Variants in PCDH7 observed in about 807,000 individuals in gnomAD.
PCDH7 encodes protocadherin 7, also known as protocadherin-7.
A neutral mutation model predicts 58.9 loss-of-function variants in PCDH7; 17 were observed. That is an observed-to-expected ratio of 0.29 (90% confidence interval 0.20 to 0.43). The LOEUF is 0.43. Among genes scored for constraint, PCDH7 ranks in the 20% least tolerant of loss-of-function variants. The pLI is 1.00. For synonymous variants in PCDH7, 664 were observed against 616.4 expected (o/e 1.08, Z -1.14); for missense variants, 1,274 against 1,441.0 (o/e 0.88, Z 1.88).
At chr4:30,779,395 A>G (rs972502692) in intron 1 of PCDH7, among the ~76,000 whole-genome samples, 4 of 152,206 alleles carry the variant, frequency 2.6e-5, no homozygotes, top group East Asian at 3.9e-4. Context: ...ACCAAAATCA[A>G]TATTTAAATA....
At chr4:30,791,882 A>G (rs1006768952) in intron 1 of PCDH7, among the ~76,000 whole-genome samples, 4 of 152,192 alleles carry the variant, frequency 2.6e-5, no homozygotes, top group African/African-American at 7.2e-5. Flanking sequence ...TCCGACTACT[A>G]GTAGCATAAG....
At chr4:30,727,929 T>A (rs1203850884) in intron 1 of PCDH7, among the ~76,000 whole-genome samples, 2 of 151,912 alleles carry the variant, frequency 1.3e-5, no homozygotes, top group African/African-American at 4.8e-5. Context: ...ATAATGCACT[T>A]ACAAGTAAAA....
intron 1 of PCDH7, among the ~76,000 whole-genome samples, chr4:30,895,091 T>A (rs1375074499): frequency 1.3e-5 from 2 of 151,792 alleles, no homozygotes; most frequent in African/African-American, 4.8e-5. Flanking sequence ...CTTTTTTTAT[T>A]TATTTAAACA....
intron 1 of PCDH7, chr4:30,730,746 CT>C: frequency 6.3e-7 from 1 of 1,585,388 alleles, no homozygotes; most frequent in East Asian, 2.2e-5. Flanking sequence ...TATTTTCCTT[CT>C]TTCAGATGCG....
chr4:30,838,935 ACCTT>A (rs1730869556), intron 1 of PCDH7, among the ~76,000 whole-genome samples: 1 of 151,966 alleles, frequency 6.6e-6, no homozygotes, highest in African/African-American at 2.4e-5. Context: ...CTTTCTTCCT[ACCTT>A]CCTTCCTTCC....
chr4:30,928,895 C>CT (rs1235620884), intron 2 of PCDH7, among the ~76,000 whole-genome samples: 3 of 151,928 alleles, frequency 2.0e-5, no homozygotes, highest in Non-Finnish European at 2.9e-5. Context: ...TTTATGTCTT[C>CT]TTTTTTCCTT....
chr4:31,046,791 A>G (rs968114591), intron 3 of PCDH7, among the ~76,000 whole-genome samples: 1 of 152,090 alleles, frequency 6.6e-6, no homozygotes, highest in Non-Finnish European at 1.5e-5. Context: ...ACTTACATCC[A>G]TCATATTAAA....
chr4:30,867,123 G>T (rs1339980654), intron 1 of PCDH7, among the ~76,000 whole-genome samples: 1 of 152,022 alleles, frequency 6.6e-6, no homozygotes, highest in Non-Finnish European at 1.5e-5. Context: ...GTCACCTCAG[G>T]CTGTCTGTAC....
chr4:30,772,732 C>G (rs1432679383), intron 1 of PCDH7, among the ~76,000 whole-genome samples: 1 of 152,172 alleles, frequency 6.6e-6, no homozygotes, highest in African/African-American at 2.4e-5. Context: ...TAAATAAACA[C>G]TTACTGTGTG....
At chr4:30,770,953 A>C (rs975059751) in intron 1 of PCDH7, among the ~76,000 whole-genome samples, 2 of 152,212 alleles carry the variant, frequency 1.3e-5, no homozygotes, top group Admixed American at 6.5e-5. Context: ...ACAGAACACC[A>C]CGAGTAAGCA....
chr4:30,721,621 A>G lies in PCDH7; in HGVS notation c.199A>G (p.Ser67Gly). ...GACCGGATCGGGTGAGGTGACTTTC[A>G]GCCTGGAGTCCGGTTCCGAGTACCT... The change falls in exon 1 of 2, where the codon AGC becomes GGC. Residue 67 changes from serine to glycine, a missense_variant. By Grantham distance (56) the Ser-to-Gly change is moderately conservative. This residue lies in a region of PCDH7 where 212 missense variants were observed against 255.8 expected (regional missense o/e 0.83). Coordinates refer to ENST00000361762, the Ensembl canonical transcript of PCDH7. This position sits in a 1 kb window ranked among gnomAD's most constrained non-coding sequence, Gnocchi z 6.7. 1 of 1,613,242 alleles carries G rather than the reference A, an allele frequency of 6.2e-7. No individual in the cohort carries two copies. The highest frequency in any genetic ancestry group is 8.5e-7 in the Non-Finnish European group (1 of 1,179,914).
intron 1 of PCDH7, among the ~76,000 whole-genome samples, chr4:30,842,644 G>T (rs1293064578): frequency 6.6e-6 from 1 of 152,140 alleles, no homozygotes; most frequent in Non-Finnish European, 1.5e-5. Flanking sequence ...AGTGTGGAAG[G>T]TGAGGTTGGA....
chr4:31,100,441 A>G (rs1297388167), intron 3 of PCDH7, among the ~76,000 whole-genome samples: 1 of 152,198 alleles, frequency 6.6e-6, no homozygotes, highest in Non-Finnish European at 1.5e-5. Context: ...TTGGGATATG[A>G]TAAGTCCCAT....
intron 3 of PCDH7, among the ~76,000 whole-genome samples, chr4:31,041,220 T>A (rs904541450): frequency 2.0e-5 from 3 of 152,226 alleles, no homozygotes; most frequent in African/African-American, 7.2e-5. Flanking sequence ...TCTTCTGAAG[T>A]GTCTCTTCTC....
intron 1 of PCDH7, among the ~76,000 whole-genome samples, chr4:30,855,609 A>G (rs1423360739): frequency 1.3e-5 from 2 of 152,170 alleles, no homozygotes; most frequent in African/African-American, 4.8e-5. Context: ...AGGGTCGTAT[A>G]TCAATGCAAG....
At chr4:31,050,730 C>G (rs1330086585) in intron 3 of PCDH7, among the ~76,000 whole-genome samples, 22 of 152,126 alleles carry the variant, frequency 1.4e-4, no homozygotes, top group Admixed American at 1.4e-3. Context: ...ACCTCTACTT[C>G]TACACTCACT....
chr4:30,765,120 A>G (rs1209969669), intron 1 of PCDH7, among the ~76,000 whole-genome samples: 2 of 56,214 alleles, frequency 3.6e-5, no homozygotes, highest in African/African-American at 9.6e-5. Context: ...ATAGGACTTC[A>G]GATGCTTTTT....
chr4:30,869,912 C>A (rs1380818681), intron 1 of PCDH7, among the ~76,000 whole-genome samples: 1 of 152,060 alleles, frequency 6.6e-6, no homozygotes, highest in African/African-American at 2.4e-5. Context: ...GGTATAAAAG[C>A]GTTCCTATTT....
chr4:31,044,625 A>C (rs1195778775), intron 3 of PCDH7, among the ~76,000 whole-genome samples: 1 of 152,040 alleles, frequency 6.6e-6, no homozygotes, highest in African/African-American at 2.4e-5. Flanking sequence ...ATAATACATT[A>C]CTACCACATT....
Sources: gnomAD v4.1 joint callset for allele counts (sites outside exome capture counted in the v4.1 genomes callset) on GRCh38, gnomAD v4.1.1 for gene constraint, gnomAD v4.1.1 regional missense constraint, Gnocchi (gnomAD v3.1) non-coding constraint, MANE v1.5 for transcripts, NCBI Gene and HGNC (gene_info 2026-07-23, HGNC 2026-07-21) for gene names.